AP3S1: variants seen among roughly 807,000 people sequenced by gnomAD.
AP3S1 encodes adaptor related protein complex 3 subunit sigma 1, also known as AP-3 complex subunit sigma-1.
Under a neutral mutation model 21.3 loss-of-function variants are expected in AP3S1, and 12 were observed. The ratio of observed to expected loss-of-function variants is 0.56; its 90% CI spans 0.36 to 0.91. The LOEUF (loss-of-function observed/expected upper bound fraction) is 0.91. Among genes scored for constraint, AP3S1 ranks in the 40% least tolerant of loss-of-function variants. AP3S1 has a pLI of 0.01. For missense variants in AP3S1, 116 were observed against 225.0 expected, an observed-to-expected ratio of 0.52 and a Z score of 3.10; for synonymous variants, 48 against 78.4, an observed-to-expected ratio of 0.61 and a Z score of 2.05.
intron 5 of AP3S1, among the ~76,000 whole-genome samples, chr5:115,907,163 G>C (rs1003867466): frequency 4.6e-5 from 7 of 152,172 alleles, no homozygotes; most frequent in African/African-American, 1.7e-4. Context: ...ATTTGCAGAA[G>C]TGACAATTTA....
chr5:115,910,397 AG>A (rs1313486724), intron 5 of AP3S1, among the ~76,000 whole-genome samples: 2 of 152,154 alleles, frequency 1.3e-5, no homozygotes, highest in Non-Finnish European at 2.9e-5. Context: ...ATTGCGGGTA[AG>A]GGGGGACTAC....
At chr5:115,868,497 C>T (rs1220530633) in intron 2 of AP3S1, among the ~76,000 whole-genome samples, 1 of 152,104 alleles carries the variant, frequency 6.6e-6, no homozygotes, top group African/African-American at 2.4e-5. Flanking sequence ...GATCATTTCT[C>T]CTTTTGCTAT....
chr5:115,850,400 T>C (rs1042630352), intron 1 of AP3S1, among the ~76,000 whole-genome samples: 22 of 152,340 alleles, frequency 1.4e-4, no homozygotes, highest in African/African-American at 5.3e-4. Context: ...CAGTTGCAAG[T>C]GTACAGTTTT....
At chr5:115,860,105 A>G (rs549229092) in intron 1 of AP3S1, among the ~76,000 whole-genome samples, 3 of 152,312 alleles carry the variant, frequency 2.0e-5, no homozygotes, top group South Asian at 4.1e-4. Context: ...TCTAGCTCCT[A>G]GAGGCCACCC....
At chr5:115,888,323 C>G (rs768634183) in intron 3 of AP3S1, among the ~76,000 whole-genome samples, 5 of 152,002 alleles carry the variant, frequency 3.3e-5, no homozygotes, top group Admixed American at 3.3e-4. Flanking sequence ...TTAGAACCAT[C>G]GAGACTCTAA....
At chr5:115,897,310 T>G (rs374356055) in intron 4 of AP3S1, among the ~76,000 whole-genome samples, 204 of 152,230 alleles carry the variant, frequency 1.3e-3, no homozygotes, top group African/African-American at 4.5e-3. Context: ...CAAAATTAGC[T>G]GTCTCTCTTT....
chr5:115,880,712 A>G (rs1749198522), intron 3 of AP3S1, among the ~76,000 whole-genome samples: 1 of 152,204 alleles, frequency 6.6e-6, no homozygotes, highest in African/African-American at 2.4e-5. Flanking sequence ...GATGTCTATT[A>G]GGTCCACTTG....
At chr5:115,862,616 C>G (rs536230363) in intron 1 of AP3S1, among the ~76,000 whole-genome samples, 4 of 152,238 alleles carry the variant, frequency 2.6e-5, no homozygotes, top group Non-Finnish European at 2.9e-5. Context: ...CATTCTGTTG[C>G]TATTGTGGTA....
At chr5:115,881,894 G>T (rs1000665866) in intron 3 of AP3S1, among the ~76,000 whole-genome samples, 4 of 151,794 alleles carry the variant, frequency 2.6e-5, no homozygotes, top group African/African-American at 7.3e-5. Flanking sequence ...GACATTGTTT[G>T]TTCCTTTTCA....
At chr5:115,844,992 GGATAGAGT>G (rs1761952720) in intron 1 of AP3S1, among the ~76,000 whole-genome samples, 1 of 152,060 alleles carries the variant, frequency 6.6e-6, no homozygotes, top group East Asian at 1.9e-4. Flanking sequence ...TCCTAGCTTG[GGATAGAGT>G]TGGGATTAGT....
At chr5:115,882,474 G>C (rs1749385024) in intron 3 of AP3S1, among the ~76,000 whole-genome samples, 1 of 152,120 alleles carries the variant, frequency 6.6e-6, no homozygotes. Flanking sequence ...CAGGTCTTCT[G>C]GAGCTTGCTG....
chr5:115,881,702 G>A (rs548146495), intron 3 of AP3S1, among the ~76,000 whole-genome samples: 42 of 152,224 alleles, frequency 2.8e-4, no homozygotes, highest in African/African-American at 9.9e-4. Context: ...TTCTCGAGGA[G>A]TAACTTTGTG....
rs1480677941 is a variant in AP3S1, at chr5:115,866,661, C to T, written c.70-9C>T. On this transcript the variant is annotated splice_polypyrimidine_tract_variant and intron_variant, in intron 1 of 5. Transcript: ENST00000316788. Reference sequence around the variant, plus strand: ...TCCATCCTAATATATATGAATTATTCTTCCTCAGAGTGAAGATACACAACA... The same window carrying T: ...TCCATCCTAATATATATGAATTATTTTTCCTCAGAGTGAAGATACACAACA... 3 of 1,563,210 alleles carry T rather than the reference C, an allele frequency of 1.9e-6. No homozygotes were observed. Among genetic ancestry groups the T allele is most frequent in the Non-Finnish European group, 2.6e-6 (3 of 1,143,644 alleles).
rs533611818 is a variant in AP3S1 at position 115,895,378 on chromosome 5, A to C, written c.345+220A>C. On this transcript the variant is annotated intron_variant, in intron 4 of 5. Transcript: ENST00000316788. ...AGGGTGGAAACAACGGCATTAACAA[A>C]TAATAATAATAGTATGTGTAGCATG... 2.6e-5 allele frequency among the ~76,000 whole-genome samples: 4 copies of C among 152,318 alleles called. No individual in the cohort carries two copies. The South Asian group carries it at 8.3e-4, about 32-fold the overall frequency.
At chr5:115,880,555 G>T (rs780323685) in intron 3 of AP3S1, among the ~76,000 whole-genome samples, 2 of 152,160 alleles carry the variant, frequency 1.3e-5, no homozygotes, top group South Asian at 4.1e-4. Flanking sequence ...TAGCACTGTG[G>T]TCTGAGAGTC....
intron 5 of AP3S1, 133 bp from the exon 6 acceptor site, chr5:115,913,229 A>G (rs1327651515): frequency 6.9e-6 from 6 of 869,632 alleles, no homozygotes; most frequent in Admixed American, 3.6e-5. Context: ...TTCCATACCA[A>G]TTCAAACTAC....
chr5:115,854,358 TA>T (rs1451485709), intron 1 of AP3S1, among the ~76,000 whole-genome samples: 3 of 152,226 alleles, frequency 2.0e-5, no homozygotes, highest in African/African-American at 7.2e-5. Context: ...AAGCATTTTT[TA>T]TACATTGTAA....
chr5:115,876,285 C>T (rs1748707509), intron 3 of AP3S1, among the ~76,000 whole-genome samples: 1 of 152,112 alleles, frequency 6.6e-6, no homozygotes, highest in Admixed American at 6.5e-5. Flanking sequence ...TTCTTAGTTA[C>T]TTCACAGTAG....
intron 1 of AP3S1, 117 bp downstream of exon 1, chr5:115,842,223 G>T: frequency 1.4e-6 from 2 of 1,379,636 alleles, no homozygotes; most frequent in South Asian, 1.6e-5. Flanking sequence ...GTCCCGTCCC[G>T]GCCGCCTGGC....
Sources: allele counts gnomAD v4.1 joint callset (sites outside exome capture counted in the v4.1 genomes callset), GRCh38; gene constraint gnomAD v4.1.1; transcripts MANE v1.5; gene names NCBI Gene and HGNC (gene_info 2026-07-23, HGNC 2026-07-21).